NALF2: variants seen among roughly 807,000 people sequenced by gnomAD.
The protein encoded by NALF2 is NALCN channel auxiliary factor 2, also known as bB57D9.1 (TED protein).
NALF2 carries 1 observed loss-of-function variant against 24.8 expected under a neutral mutation model. That is an observed-to-expected ratio of 0.04 (90% CI 0.01 to 0.19). NALF2 has a LOEUF of 0.19. Ranked by LOEUF, NALF2 falls within the 10% of genes least tolerant of loss-of-function variation. The pLI is 1.00. For synonymous variants in NALF2, 254 were observed against 189.8 expected (o/e 1.34, Z -2.78); for missense variants, 458 against 409.6 (o/e 1.12, Z -1.02).
chrX:69,505,572 T>TGCCGCTGCC lies in NALF2; in HGVS notation c.296_304dup (p.Leu99_Pro101dup). 6 of 1,009,383 alleles carry TGCCGCTGCC rather than the reference T, an allele frequency of 5.9e-6. No homozygotes were observed. The highest frequency in any genetic ancestry group is 7.4e-6 in the Non-Finnish European group (6 of 805,789). 83.2% of individuals were successfully genotyped at this position (1,009,383 alleles called of 1,213,427 possible). A position where few individuals can be genotyped will look rare whatever the true frequency, so the allele number is the denominator to read the frequency against. ...CAGCCGGTGCCTCCTCGCGCGGTGC[T>TGCCGCTGCC]GCCGCTGCCGCCGCCGCCGCCCGGC... On this transcript the variant is annotated inframe_insertion, in exon 1 of 3. Coordinates refer to ENST00000252338, the MANE Select transcript of NALF2 (RefSeq NM_015686.3).
Position 69,505,333 on chromosome X carries a change from T to A in NALF2, c.51T>A (p.Thr17=). 2.6e-6 allele frequency: 3 copies of A among 1,156,338 alleles called. No individual in the cohort carries two copies. The highest frequency in any genetic ancestry group is 3.5e-6 in the Non-Finnish European group (3 of 868,033). ...CCGGGAAAGACGCCGCCGCGCTGACTATCTGCTGCTGCTGCTGCTGCTGGG... is the reference window on the plus strand; with the variant it reads ...CCGGGAAAGACGCCGCCGCGCTGACAATCTGCTGCTGCTGCTGCTGCTGGG... ...MWPGKDAAAL[T]ICCCCCCWAP... Residue 17 remains threonine (T), a synonymous_variant, in exon 1 of 3, where the codon ACT becomes ACA. Transcript: ENST00000252338.
intron 1 of NALF2, among the ~76,000 whole-genome samples, chrX:69,507,359 C>T (rs1341235624): frequency 9.0e-6 from 1 of 111,462 alleles, no homozygotes; most frequent in Non-Finnish European, 1.9e-5. Flanking sequence ...GGTAGTTCCT[C>T]GCTCCTGACT....
At chrX:69,526,799 T>G (rs758610247) in intron 1 of NALF2, among the ~76,000 whole-genome samples, 2 of 111,194 alleles carry the variant, frequency 1.8e-5, no homozygotes, top group Admixed American at 9.5e-5. Flanking sequence ...GAATAGCATG[T>G]GCCAAGGCCC....
chrX:69,529,757 C>T lies in NALF2; in HGVS notation c.1220C>T (p.Pro407Leu). ...QYHHYHPHHD[P>L]PGRVSNKPAL... ...CATCACTACCACCCCCATCATGATC[C>T]CCCAGGCCGTGTCAGCAACAAGCCC... Residue 407 changes from proline to leucine, a missense_variant, in exon 3 of 3, where the codon CCC (proline) becomes CTC (leucine). By Grantham distance (98) the Pro-to-Leu change is moderately conservative (BLOSUM62 -3). Transcript: ENST00000252338. 8.3e-7 allele frequency: 1 copy of T among 1,211,366 alleles called. No homozygotes were observed. Among genetic ancestry groups the T allele is most frequent in the Non-Finnish European group, 1.1e-6 (1 of 895,276 alleles).
rs190801973 is a variant in NALF2 at position 69,505,987 on chromosome X, G to A, written c.705G>A (p.Pro235=). The A allele has an allele frequency of 1.1e-4, 135 of 1,210,023 alleles. No homozygotes were observed. The East Asian group carries it at 3.1e-3, about 28-fold the overall frequency. The change falls in exon 1 of 3, where the codon CCG becomes CCA. Residue 235 remains proline, a synonymous_variant. Transcript: ENST00000252338. The part of the protein sequence containing the change: ...MGDLLAVVAS[P]GSGAWEACSN... ...ACCTGCTGGCCGTGGTGGCCAGCCCGGGCTCCGGGGCCTGGGAGGCGTGTA... is the reference window on the plus strand; with the variant it reads ...ACCTGCTGGCCGTGGTGGCCAGCCCAGGCTCCGGGGCCTGGGAGGCGTGTA...
rs1930904299 is a variant in NALF2, at chrX:69,531,574, G to C, written c.*1618G>C. On this transcript the variant is annotated 3_prime_UTR_variant, in exon 3 of 3. Coordinates refer to ENST00000252338, the MANE Select transcript of NALF2 (RefSeq NM_015686.3). Reference sequence around the variant, plus strand: ...TGCTAGTGAGTGAATGGGAGGGCGGGCCTGGAGCTGCGTGAGAGTGAAACC... The same window carrying C: ...TGCTAGTGAGTGAATGGGAGGGCGGCCCTGGAGCTGCGTGAGAGTGAAACC... 8.9e-6 allele frequency: 1 copy of C among 112,316 alleles called. No homozygotes were observed. The highest frequency in any genetic ancestry group is 1.9e-5 in the Non-Finnish European group (1 of 53,189). 9.3% of individuals were successfully genotyped at this position (112,316 alleles called of 1,213,427 possible).
chrX:69,506,239 A>C (rs968328485), intron 1 of NALF2, 96 bp downstream of exon 1: 8 of 949,810 alleles, frequency 8.4e-6, no homozygotes. Flanking sequence ...CTTTCTACCC[A>C]CCCCACCACT....
chrX:69,505,891 G>T lies in NALF2; in HGVS notation c.609G>T (p.Thr203=). Reference sequence around the variant, plus strand: ...CTCTCTCCTTTTGCGACACCTACACGGTCTGGGACTTGCTGCTGGGCATGG... The same window carrying T: ...CTCTCTCCTTTTGCGACACCTACACTGTCTGGGACTTGCTGCTGGGCATGG... ...NFTLSFCDTY[T]VWDLLLGMDR... Residue 203 remains threonine, a synonymous_variant, in exon 1 of 3, where the codon ACG becomes ACT. Coordinates refer to ENST00000252338, the MANE Select transcript of NALF2 (RefSeq NM_015686.3). 1.7e-6 allele frequency: 2 copies of T among 1,211,231 alleles called. No homozygotes were observed. The highest frequency in any genetic ancestry group is 2.2e-6 in the Non-Finnish European group (2 of 895,413).
Position 69,530,715 on chromosome X carries a change from A to C in NALF2, c.*759A>C, listed in dbSNP as rs921345120. 8.0e-5 allele frequency: 9 copies of C among 112,623 alleles called. No individual in the cohort carries two copies. Among genetic ancestry groups the C allele is most frequent in the Non-Finnish European group, 1.7e-4 (9 of 53,237 alleles). The allele number at this position is 112,623 out of a possible 1,213,427, so 9.3% of individuals were successfully genotyped here. ...CCACCCGGCTTTGGGGAGATGGGCG[A>C]TAAGTGTTGAGGTAGGCTCGAGAAC... On this transcript the variant is annotated 3_prime_UTR_variant, in exon 3 of 3. Coordinates refer to ENST00000252338, the MANE Select transcript of NALF2 (RefSeq NM_015686.3).
chrX:69,506,033 C>G lies in NALF2; in HGVS notation c.751C>G (p.Gln251Glu). ...GTGTAGCAACTGTATCGAGGCGTAC[C>G]AGCGGCTGGACCGACACGCTCAGGA... is the stretch of plus-strand genomic sequence containing the variant. ...EACSNCIEAY[Q>E]RLDRHAQEKY... Residue 251 changes from glutamine (Q) to glutamate (E), a missense_variant, in exon 1 of 3, where the codon CAG becomes GAG. Transcript: ENST00000252338. 1 of 1,210,922 alleles carries G rather than the reference C, an allele frequency of 8.3e-7. No homozygotes were observed. The highest frequency in any genetic ancestry group is 1.1e-6 in the Non-Finnish European group (1 of 895,064).
intron 1 of NALF2, 61 bp downstream of exon 1, chrX:69,506,204 G>T (rs1425836803): frequency 1.8e-6 from 2 of 1,127,448 alleles, no homozygotes; most frequent in Non-Finnish European, 2.4e-6. Flanking sequence ...GCCGCAGTGG[G>T]ACCGGGAGAA....
In NALF2 at chrX:69,529,783, G is replaced by C; in HGVS notation, c.1246G>C (p.Ala416Pro). 1 of 1,211,174 alleles carries C rather than the reference G, an allele frequency of 8.3e-7. No homozygotes were observed. The highest frequency in any genetic ancestry group is 1.1e-6 in the Non-Finnish European group (1 of 895,325). Residue 416 changes from alanine (A) to proline (P), a missense_variant, in exon 3 of 3, where the codon GCC becomes CCC. Ala to Pro is a conservative substitution (Grantham distance 27, BLOSUM62 -1). Transcript: ENST00000252338. Reference protein sequence around the residue: ...DPPGRVSNKPALLPVSGGSRL... With the variant: ...DPPGRVSNKPPLLPVSGGSRL... ...CCCAGGCCGTGTCAGCAACAAGCCC[G>C]CCCTGCTGCCGGTCTCTGGGGGCTC...
chrX:69,519,953 T>A (rs1395195070), intron 1 of NALF2, among the ~76,000 whole-genome samples: 2 of 112,280 alleles, frequency 1.8e-5, no homozygotes, highest in Non-Finnish European at 3.8e-5. Context: ...TAAATCCTTA[T>A]CTGCTGGCCA....
At chrX:69,524,149 G>A (rs921864109) in intron 1 of NALF2, among the ~76,000 whole-genome samples, 1 of 104,782 alleles carries the variant, frequency 9.5e-6, no homozygotes, top group African/African-American at 3.5e-5. Context: ...CCAGGTTGGA[G>A]TGCAATGGTG....
chrX:69,525,814 C>T lies in NALF2; in HGVS notation c.862-3179C>T, dbSNP rs746839712. ...CCTACCCCCACTATTCCTACCATTC[C>T]TTACCCTCTCTTTGCTATACACCTC... On this transcript the variant is annotated intron_variant, in intron 1 of 2. Transcript: ENST00000252338. 2.8e-5 allele frequency among the ~76,000 whole-genome samples: 3 copies of T among 107,805 alleles called. No individual in the cohort carries two copies. In the East Asian group the frequency reaches 8.8e-4, roughly 32 times the overall value. 93.6% of individuals were successfully genotyped at this position (107,805 alleles called of 115,157 possible). A position where few individuals can be genotyped will look rare whatever the true frequency, so the allele number is the denominator to read the frequency against.
intron 1 of NALF2, among the ~76,000 whole-genome samples, chrX:69,518,982 T>A (rs1262947474): frequency 8.9e-6 from 1 of 112,385 alleles, no homozygotes; most frequent in Non-Finnish European, 1.9e-5. Context: ...CCCTCATACA[T>A]TCAATATTGG....
Position 69,505,209 on chromosome X carries a change from C to T in NALF2, c.-74C>T, listed in dbSNP as rs1289456583. ...CGGCGCCGAGGAGCGCAGAGCGGCG[C>T]GCAGCCCGCCCGCCCCAGACGGCCG... is the stretch of plus-strand genomic sequence containing the variant. On this transcript the variant is annotated 5_prime_UTR_variant, in exon 1 of 3. Transcript: ENST00000252338. 3.0e-6 allele frequency: 3 copies of T among 1,011,400 alleles called. No homozygotes were observed. The highest frequency in any genetic ancestry group is 2.4e-5 in the South Asian group (1 of 42,384). The allele number at this position is 1,011,400 out of a possible 1,213,427, so 83.4% of individuals were successfully genotyped here. A position where few individuals can be genotyped will look rare whatever the true frequency, so the allele number is the denominator to read the frequency against.
Position 69,504,677 on chromosome X carries a change from G to T in NALF2, c.-606G>T, listed in dbSNP as rs1930420845. Reference sequence around the variant, plus strand: ...CCCGGCGAACACCCGGAGCGCGAACGAAGCCCGAAGGGCCCGGCAACGGAC... The same window carrying T: ...CCCGGCGAACACCCGGAGCGCGAACTAAGCCCGAAGGGCCCGGCAACGGAC... On this transcript the variant is annotated 5_prime_UTR_variant, in exon 1 of 3. Transcript: ENST00000252338. Among the ~76,000 whole-genome samples the T allele has an allele frequency of 8.9e-6, 1 of 112,499 alleles. No homozygotes were observed. The highest frequency in any genetic ancestry group is 3.2e-5 in the African/African-American group (1 of 31,168).
chrX:69,508,815 C>T (rs1198449090), intron 1 of NALF2, among the ~76,000 whole-genome samples: 2 of 112,100 alleles, frequency 1.8e-5, no homozygotes, highest in East Asian at 2.8e-4. Context: ...TGCGAGATGA[C>T]GCCCCACCCT....
Sources: allele counts gnomAD v4.1 joint callset (sites outside exome capture counted in the v4.1 genomes callset), GRCh38; gene constraint gnomAD v4.1.1; transcripts MANE v1.5; gene names NCBI Gene and HGNC (gene_info 2026-07-23, HGNC 2026-07-21).